The following EPN2 variants were observed in gnomAD, a reference collection of about 807,000 sequenced individuals.
The protein encoded by EPN2 is epsin-2.
Under a neutral mutation model 61.7 loss-of-function variants are expected in EPN2, and 34 were observed. That is an observed-to-expected ratio of 0.55 (90% CI 0.42 to 0.73). The LOEUF (loss-of-function observed/expected upper bound fraction) is 0.73, where lower values mean the gene tolerates loss of function less well. Ranked by LOEUF, EPN2 falls within the 30% of genes least tolerant of loss-of-function variation. The pLI, the probability that EPN2 is intolerant of heterozygous loss-of-function variation, is 0.00. For synonymous variants in EPN2, 349 were observed against 353.6 expected (o/e 0.99, Z 0.15); for missense variants, 714 against 839.2 (o/e 0.85, Z 1.84).
At chr17:19,304,665 G>A (rs2152228357) in intron 4 of EPN2, among the ~76,000 whole-genome samples, 1 of 152,340 alleles carries the variant, frequency 6.6e-6, no homozygotes, top group African/African-American at 2.4e-5. Flanking sequence ...CCCTTGGTAG[G>A]TCAGTTGTTT....
chr17:19,247,398 G>A (rs942879582), intron 1 of EPN2, among the ~76,000 whole-genome samples: 2 of 152,218 alleles, frequency 1.3e-5, no homozygotes, highest in East Asian at 3.8e-4. Context: ...TTCTTTGTCA[G>A]GGGGTCAAGA....
intron 6 of EPN2, 106 bp from the exon 7 acceptor site, chr17:19,312,999 T>G (rs959264561): frequency 3.3e-6 from 4 of 1,222,598 alleles, no homozygotes; most frequent in Non-Finnish European, 2.3e-6. Flanking sequence ...CCTAGAGGGC[T>G]TCACTGGAGG....
At chr17:19,238,401 C>T (rs2044843128) in intron 1 of EPN2, among the ~76,000 whole-genome samples, 1 of 152,190 alleles carries the variant, frequency 6.6e-6, no homozygotes, top group Admixed American at 6.5e-5. Context: ...CTGAAGTTTG[C>T]CCAGTGGCTT....
chr17:19,336,250 G>A lies in EPN2; in HGVS notation c.*1996G>A, dbSNP rs966939135. 6 of 152,298 alleles carry A rather than the reference G, an allele frequency of 3.9e-5. No homozygotes were observed. Among genetic ancestry groups the A allele is most frequent in the African/African-American group, 1.4e-4 (6 of 41,434 alleles). The allele number at this position is 152,298 out of a possible 1,614,324, so 9.4% of individuals were successfully genotyped here. A position where few individuals can be genotyped will look rare whatever the true frequency, so the allele number is the denominator to read the frequency against. On this transcript the variant is annotated 3_prime_UTR_variant, in exon 11 of 11. Coordinates refer to ENST00000314728, the MANE Select transcript of EPN2 (RefSeq NM_014964.5). ...AGCCGGTGGCTGGTCTCGTCTGCCG[G>A]GGGAAGGGTGGGGAGGTGCAATGGG...
intron 4 of EPN2, among the ~76,000 whole-genome samples, chr17:19,307,269 T>A (rs1236617591): frequency 6.6e-6 from 1 of 152,236 alleles, no homozygotes; most frequent in African/African-American, 2.4e-5. Context: ...GGGATTTGAC[T>A]TGATTTTATT....
intron 7 of EPN2, among the ~76,000 whole-genome samples, chr17:19,317,802 C>T (rs1906458427): frequency 6.6e-6 from 1 of 152,152 alleles, no homozygotes; most frequent in East Asian, 1.9e-4. Flanking sequence ...ATCTACTGTC[C>T]ATTCATAGAG....
chr17:19,277,381 A>G (rs2045317439), intron 1 of EPN2, among the ~76,000 whole-genome samples: 3 of 148,708 alleles, frequency 2.0e-5, no homozygotes. Flanking sequence ...AGCCTGGGCA[A>G]AAGGGTGAGA....
chr17:19,245,940 C>T (rs2044942675), intron 1 of EPN2, among the ~76,000 whole-genome samples: 1 of 152,054 alleles, frequency 6.6e-6, no homozygotes, highest in Non-Finnish European at 1.5e-5. Flanking sequence ...GCTGGGATTA[C>T]AGGCGTGAGC....
In EPN2 at chr17:19,262,700, A is replaced by G. The variant is rs965795670; in HGVS notation, c.-293-19255A>G. On this transcript the variant is annotated intron_variant, in intron 1 of 10. Transcript: ENST00000314728. ...GCATAATCTTATTTTAGAACATTTTATTACCCCCAAAAGCAACCCTGTACC... is the reference window on the plus strand; with the variant it reads ...GCATAATCTTATTTTAGAACATTTTGTTACCCCCAAAAGCAACCCTGTACC... Among the ~76,000 whole-genome samples, 6 of 150,486 alleles carry G rather than the reference A, an allele frequency of 4.0e-5. No individual in the cohort carries two copies. The East Asian group carries it at 1.1e-3, about 27-fold the overall frequency.
intron 7 of EPN2, among the ~76,000 whole-genome samples, chr17:19,323,311 A>T (rs1309160671): frequency 6.6e-6 from 1 of 152,206 alleles, no homozygotes; most frequent in Non-Finnish European, 1.5e-5. Flanking sequence ...AGCAGTTGGG[A>T]ATCAGTGTGG....
chr17:19,298,323 T>C (rs934122328), intron 4 of EPN2, among the ~76,000 whole-genome samples: 3 of 152,168 alleles, frequency 2.0e-5, no homozygotes, highest in Non-Finnish European at 4.4e-5. Context: ...GCCTGCTGAG[T>C]AGTTGGGATT....
intron 1 of EPN2, among the ~76,000 whole-genome samples, chr17:19,253,784 G>A (rs2045042621): frequency 6.6e-6 from 1 of 152,144 alleles, no homozygotes; most frequent in Admixed American, 6.5e-5. Flanking sequence ...AATGTCACAT[G>A]TGAGAGGGCA....
chr17:19,320,290 A>G (rs1239054820), intron 7 of EPN2, among the ~76,000 whole-genome samples: 9 of 151,956 alleles, frequency 5.9e-5, no homozygotes, highest in African/African-American at 2.2e-4. Flanking sequence ...CTGTTTCTCT[A>G]TCTCAGAGGG....
intron 7 of EPN2, among the ~76,000 whole-genome samples, chr17:19,326,084 A>G (rs374894125): frequency 6.6e-6 from 1 of 152,232 alleles, no homozygotes; most frequent in South Asian, 2.1e-4. Context: ...GGTAAAAATT[A>G]AAAAGATTAA....
Position 19,283,313 on chromosome 17 carries a change from A to G in EPN2, c.194A>G (p.Asn65Ser). The G allele has an allele frequency of 1.9e-6, 3 of 1,614,130 alleles. No individual in the cohort carries two copies. Among genetic ancestry groups the G allele is most frequent in the South Asian group, 2.2e-5 (2 of 91,078 alleles). ...EIMSMVWKRL[N>S]DHGKNWRHVY... ...ATGAGCATGGTGTGGAAGCGGCTGA[A>G]TGACCATGGCAAGAACTGGCGGCAT... The change falls in exon 3 of 11, where the codon AAT becomes AGT. Residue 65 changes from asparagine (N) to serine (S), a missense_variant. Asn to Ser is a conservative substitution (Grantham distance 46). Around this residue, in one of 2 missense-constraint regions of EPN2, gnomAD observed 304 missense variants for 417.4 expected, o/e 0.73. Coordinates refer to ENST00000314728, the MANE Select transcript of EPN2 (RefSeq NM_014964.5). This position sits in a 1 kb window ranked among gnomAD's most constrained non-coding sequence, Gnocchi z 7.0.
rs1241749379 is a variant in EPN2 at position 19,335,767 on chromosome 17, T to C, written c.*1513T>C. 3 of 278,606 alleles carry C rather than the reference T, an allele frequency of 1.1e-5. No individual in the cohort carries two copies. The highest frequency in any genetic ancestry group is 6.1e-5 in the East Asian group (1 of 16,292). The allele number at this position is 278,606 out of a possible 1,614,324, so 17.3% of individuals were successfully genotyped here. The stretch of plus-strand genomic sequence containing the variant: ...ACCTGGGAGGGATTTTTAACAAACA[T>C]GCACTAATATTACCTCCCTCTTCCA... On this transcript the variant is annotated 3_prime_UTR_variant, in exon 11 of 11. Coordinates refer to ENST00000314728, the MANE Select transcript of EPN2 (RefSeq NM_014964.5).
At chr17:19,307,341 C>A (rs181103072) in intron 4 of EPN2, among the ~76,000 whole-genome samples, 1 of 151,696 alleles carries the variant, frequency 6.6e-6, no homozygotes, top group Non-Finnish European at 1.5e-5. Context: ...GATGGAGTCT[C>A]GCTCTGTCAC....
Position 19,283,365 on chromosome 17 carries a change from C to T in EPN2, c.246C>T (p.Asp82=). 1 of 1,614,142 alleles carries T rather than the reference C, an allele frequency of 6.2e-7. No homozygotes were observed. Among genetic ancestry groups the T allele is most frequent in the Non-Finnish European group, 8.5e-7 (1 of 1,179,980 alleles). Residue 82 remains aspartate, a synonymous_variant, in exon 3 of 11, where the codon GAC becomes GAT. Transcript: ENST00000314728. The surrounding 1 kb of genome is among the most constrained non-coding windows in gnomAD (Gnocchi z 7.0). ...TGTACAAGGCGCTGACCCTGCTGGA[C>T]TACCTCATCAAGACAGGCTCCGAAC... ...RHVYKALTLL[D]YLIKTGSERV...
At chr17:19,249,426 T>C (rs2044988471) in intron 1 of EPN2, 1 of 152,210 alleles carries the variant, frequency 6.6e-6, no homozygotes, top group South Asian at 2.1e-4. Flanking sequence ...CTCTGGGTAA[T>C]GTCTATGTGA....
Sources: allele counts gnomAD v4.1 joint callset (sites outside exome capture counted in the v4.1 genomes callset), GRCh38; gene constraint gnomAD v4.1.1; regional missense constraint gnomAD v4.1.1; non-coding constraint Gnocchi (gnomAD v3.1); transcripts MANE v1.5; gene names NCBI Gene and HGNC (gene_info 2026-07-23, HGNC 2026-07-21).